The following NMRK2 variants were observed in gnomAD, a reference collection of about 807,000 sequenced individuals.
NMRK2 encodes the protein NRK 2.
In NMRK2, 34 loss-of-function variants were observed where a neutral mutation model predicts 24.7. The observed-to-expected ratio is 1.37, with a 90% CI of 1.05 to 1.83. The LOEUF (loss-of-function observed/expected upper bound fraction) is 1.83, where lower values mean the gene tolerates loss of function less well. NMRK2 is among the 40% of genes most tolerant of loss of function. The pLI is 0.00. For missense variants in NMRK2, 341 were observed against 315.0 expected (o/e 1.08, Z -0.62); for synonymous variants, 145 against 125.6 (o/e 1.15, Z -1.03).
At chr19:3,940,009 G>A (rs752829863) in intron 6 of NMRK2, 38 bp downstream of exon 6, 10 of 1,574,374 alleles carry the variant, frequency 6.4e-6, no homozygotes. Flanking sequence ...GGCTCCTGAG[G>A]GCCCTGTCTT....
Position 3,942,326 on chromosome 19 carries a change from G to C in NMRK2, c.*53G>C. The stretch of plus-strand genomic sequence containing the variant: ...TAGGAGAGTGGAGGCCCCACTCCCA[G>C]TTGGGCGTCCCGGAGCTCAGGGACT... On this transcript the variant is annotated 3_prime_UTR_variant, in exon 8 of 8. Coordinates refer to ENST00000168977, the MANE Select transcript of NMRK2 (RefSeq NM_170678.3). 1 of 1,510,524 alleles carries C rather than the reference G, an allele frequency of 6.6e-7. No homozygotes were observed. The highest frequency in any genetic ancestry group is 1.2e-5 in the South Asian group (1 of 84,274). 93.6% of individuals were successfully genotyped at this position (1,510,524 alleles called of 1,614,324 possible).
rs560369301 is a variant in NMRK2, at chr19:3,933,664, G to C, written c.-8G>C. 1.0e-4 allele frequency: 155 copies of C among 1,515,256 alleles called. No individual in the cohort carries two copies. In the Admixed American group the frequency reaches 1.7e-3, roughly 17 times the overall value. 93.9% of individuals were successfully genotyped at this position (1,515,256 alleles called of 1,614,324 possible). A position where few individuals can be genotyped will look rare whatever the true frequency, so the allele number is the denominator to read the frequency against. On this transcript the variant is annotated 5_prime_UTR_variant, in exon 2 of 8. Transcript: ENST00000168977. ...TGGAAGTCGTCCCCGCCGCCCCTCCGCACCGGCATGAAGCTCATCGTGGGC... is the reference window on the plus strand; with the variant it reads ...TGGAAGTCGTCCCCGCCGCCCCTCCCCACCGGCATGAAGCTCATCGTGGGC...
At chr19:3,939,258 T>G (rs1241963030) in intron 5 of NMRK2, among the ~76,000 whole-genome samples, 2 of 150,338 alleles carry the variant, frequency 1.3e-5, no homozygotes, top group Non-Finnish European at 1.5e-5. Flanking sequence ...GCGTGGTGGC[T>G]CACCAGCACT....
At position 3,942,238 on chromosome 19, in the gene NMRK2, G is replaced by A; in HGVS notation, c.658G>A (p.Ala220Thr). The change falls in exon 8 of 8, where the codon GCC (alanine) becomes ACC (threonine). Residue 220 changes from alanine (A) to threonine (T), a missense_variant. Coordinates refer to ENST00000168977, the MANE Select transcript of NMRK2 (RefSeq NM_170678.3). Reference sequence around the variant, plus strand: ...CGGACGCGGATGCGGCCACAGAACGGCCAGGCCTGCAGCGTCCCAGCAGGA... The same window carrying A: ...CGGACGCGGATGCGGCCACAGAACGACCAGGCCTGCAGCGTCCCAGCAGGA... ...GPGRGCGHRTARPAASQQDSM is the reference protein window; with the variant it reads ...GPGRGCGHRTTRPAASQQDSM 1 of 1,612,044 alleles carries A rather than the reference G, an allele frequency of 6.2e-7. No individual in the cohort carries two copies. The highest frequency in any genetic ancestry group is 8.5e-7 in the Non-Finnish European group (1 of 1,179,656).
At position 3,938,222 on chromosome 19, in the gene NMRK2, T is replaced by C. The variant is rs530486315; in HGVS notation, c.167-381T>C. On this transcript the variant is annotated intron_variant, in intron 4 of 7. Coordinates refer to ENST00000168977, the MANE Select transcript of NMRK2 (RefSeq NM_170678.3). ...CCAGGGTCCGCCCTCCTGCAATACC[T>C]GCTCCCCGTCCACTGTCCCCCCGGG... 3.8e-3 allele frequency among the ~76,000 whole-genome samples: 314 copies of C among 83,334 alleles called. 5 individuals carry two copies. Among genetic ancestry groups the C allele is most frequent in the Middle Eastern group, 0.011 (1 of 90 alleles). The allele number at this position is 83,334 out of a possible 152,430, so 54.7% of individuals were successfully genotyped here.
chr19:3,939,943 C>T lies in NMRK2; in HGVS notation c.367C>T (p.Pro123Ser). The T allele has an allele frequency of 6.2e-7, 1 of 1,613,740 alleles. No homozygotes were observed. The highest frequency in any genetic ancestry group is 8.5e-7 in the Non-Finnish European group (1 of 1,179,736). The change falls in exon 6 of 8, where the codon CCG (proline) becomes TCG (serine). Residue 123 changes from proline to serine, a missense_variant. Transcript: ENST00000168977. ...LYSRRYFLTV[P>S]YEECKWRRST... ...CAGCCGCCGGTACTTCCTGACCGTCCCGTATGAAGAGTGCAAGTGGAGGAG... is the reference window on the plus strand; with the variant it reads ...CAGCCGCCGGTACTTCCTGACCGTCTCGTATGAAGAGTGCAAGTGGAGGAG...
chr19:3,938,338 G>T (rs1471943622), intron 4 of NMRK2, among the ~76,000 whole-genome samples: 19 of 135,020 alleles, frequency 1.4e-4, no homozygotes, highest in African/African-American at 5.9e-4. Flanking sequence ...GTTCCCCCGG[G>T]GTCCACCCTC....
intron 6 of NMRK2, 54 bp from the exon 7 acceptor site, chr19:3,941,017 T>G: frequency 8.2e-7 from 1 of 1,218,118 alleles, no homozygotes; most frequent in Non-Finnish European, 1.2e-6. Context: ...CGGGGGTATA[T>G]TCTTAGCATC....
At chr19:3,936,963 G>A (rs776134636) in intron 3 of NMRK2, among the ~76,000 whole-genome samples, 57 of 152,146 alleles carry the variant, frequency 3.7e-4, no homozygotes, top group Non-Finnish European at 5.1e-4. Flanking sequence ...AGGGCCAGCC[G>A]GCTGTGGCTT....
At chr19:3,940,475 C>A (rs1338655954) in intron 6 of NMRK2, among the ~76,000 whole-genome samples, 1 of 150,732 alleles carries the variant, frequency 6.6e-6, no homozygotes, top group Non-Finnish European at 1.5e-5. Flanking sequence ...CCCATCTCTA[C>A]CAAAAAATAC....
chr19:3,936,839 C>T (rs2039222975), intron 3 of NMRK2, among the ~76,000 whole-genome samples, 174 bp downstream of exon 3: 1 of 152,162 alleles, frequency 6.6e-6, no homozygotes, highest in Admixed American at 6.5e-5. Flanking sequence ...AAGTGAGGGA[C>T]GGGTGTCGTG....
chr19:3,941,163 A>C lies in NMRK2; in HGVS notation c.488A>C (p.Asn163Thr), dbSNP rs2039325385. The C allele has an allele frequency of 1.3e-6, 2 of 1,560,626 alleles. No individual in the cohort carries two copies. Among genetic ancestry groups the C allele is most frequent in the Non-Finnish European group, 1.7e-6 (2 of 1,145,884 alleles). The change falls in exon 7 of 8, where the codon AAC (asparagine) becomes ACC (threonine). Residue 163 changes from asparagine (N) to threonine (T), a missense_variant. Coordinates refer to ENST00000168977, the MANE Select transcript of NMRK2 (RefSeq NM_170678.3). Reference sequence around the variant, plus strand: ...AAGTATAGGCAGGAGATGGAGGCCAACGGTGTGGAAGTGGGTAAGCCCCTG... The same window carrying C: ...AAGTATAGGCAGGAGATGGAGGCCACCGGTGTGGAAGTGGGTAAGCCCCTG... Reference protein sequence around the residue: ...YQKYRQEMEANGVEVVYLDGM... With the variant: ...YQKYRQEMEATGVEVVYLDGM...
intron 6 of NMRK2, 46 bp downstream of exon 6, chr19:3,940,017 C>G: frequency 6.5e-7 from 1 of 1,533,294 alleles, no homozygotes; most frequent in Non-Finnish European, 9.0e-7. Flanking sequence ...AGGGCCCTGT[C>G]TTGAATTACT....
chr19:3,942,175 G>GC lies in NMRK2; in HGVS notation c.600dup (p.Ser201LeufsTer58), dbSNP rs1350336680. The GC allele has an allele frequency of 3.1e-6, 5 of 1,613,142 alleles. No homozygotes were observed. The highest frequency in any genetic ancestry group is 4.2e-6 in the Non-Finnish European group (5 of 1,180,014). ...GCTGCTGAACCGCTCCCAGGAATCA[G>GC]CCCCCTCCCCGGCTCGCCCAGCCAG... On this transcript the variant is annotated frameshift_variant, in exon 8 of 8. Transcript: ENST00000168977. LOFTEE classifies it low-confidence loss of function (END_TRUNC).
chr19:3,940,437 G>A (rs762695018), intron 6 of NMRK2, among the ~76,000 whole-genome samples: 10 of 150,654 alleles, frequency 6.6e-5, no homozygotes, highest in Non-Finnish European at 1.2e-4. Context: ...AAGTCAGTTC[G>A]AGACCAGCCT....
rs981612834 is a variant in NMRK2, at chr19:3,933,476, C to T, written c.-196C>T. On this transcript the variant is annotated 5_prime_UTR_variant, in exon 2 of 8. Transcript: ENST00000168977. Reference sequence around the variant, plus strand: ...AAGGCAGCCTGGAGCTATTTCCATTCGGCGGCGGGAACAGGTGCCGGCGCC... The same window carrying T: ...AAGGCAGCCTGGAGCTATTTCCATTTGGCGGCGGGAACAGGTGCCGGCGCC... 5.5e-6 allele frequency: 3 copies of T among 541,778 alleles called. No homozygotes were observed. Among genetic ancestry groups the T allele is most frequent in the East Asian group, 3.5e-5 (1 of 28,582 alleles). 33.6% of individuals were successfully genotyped at this position (541,778 alleles called of 1,614,324 possible). A position where few individuals can be genotyped will look rare whatever the true frequency, so the allele number is the denominator to read the frequency against.
Position 3,939,900 on chromosome 19 carries a change from G to C in NMRK2, c.324G>C (p.Lys108Asn). The change falls in exon 6 of 8, where the codon AAG becomes AAC. Residue 108 changes from lysine to asparagine, a missense_variant and splice_region_variant. Physicochemically the swap from Lys to Asn is moderately conservative, Grantham distance 94. Coordinates refer to ENST00000168977, the MANE Select transcript of NMRK2 (RefSeq NM_170678.3). ...LLEGFLLYSY[K>N]PLVDLYSRRY... ...ACCGTGTCTCCCCCACTCCGCCCAG[G>C]CCCCTGGTGGACTTGTACAGCCGCC... 6.2e-7 allele frequency: 1 copy of C among 1,613,088 alleles called. No homozygotes were observed. Among genetic ancestry groups the C allele is most frequent in the Non-Finnish European group, 8.5e-7 (1 of 1,179,214 alleles).
rs780367128 is a variant in NMRK2 at position 3,938,751 on chromosome 19, C to A, written c.315C>A (p.Tyr105Ter). 1.3e-6 allele frequency: 2 copies of A among 1,591,302 alleles called. No homozygotes were observed. The highest frequency in any genetic ancestry group is 2.2e-5 in the South Asian group (2 of 89,528). The change falls in exon 5 of 8, where the codon TAC becomes TAA. Residue 105 changes from tyrosine to a stop codon, truncating the protein, a stop_gained. Transcript: ENST00000168977. LOFTEE classifies it high-confidence loss of function. ...HILLLEGFLLYSYKPLVDLYS... is the reference protein window; with the variant it reads ...HILLLEGFLL ...TCCTCCTGGAAGGCTTCCTGCTCTA[C>A]AGCTACAAGTAAACATCTGCAGGCT...
chr19:3,938,562 C>T (rs754691510), intron 4 of NMRK2, 41 bp from the exon 5 acceptor site: 1 of 1,505,348 alleles, frequency 6.6e-7, no homozygotes, highest in East Asian at 2.5e-5. Flanking sequence ...CACTATCCCC[C>T]AGGGTCTGCC....
Sources: gnomAD v4.1 joint callset for allele counts (sites outside exome capture counted in the v4.1 genomes callset) on GRCh38, gnomAD v4.1.1 for gene constraint, MANE v1.5 for transcripts, NCBI Gene and HGNC (gene_info 2026-07-23, HGNC 2026-07-21) for gene names.